ARHGAP23: variants seen among roughly 807,000 people sequenced by gnomAD.
The protein encoded by ARHGAP23 is Rho GTPase activating protein 23.
ARHGAP23 carries 34 observed loss-of-function variants against 136.3 expected under a neutral mutation model. That is an observed-to-expected ratio of 0.25 (90% confidence interval 0.19 to 0.33). ARHGAP23 has a LOEUF of 0.33. Ranked by LOEUF, ARHGAP23 falls within the 10% of genes least tolerant of loss-of-function variation. ARHGAP23 has a pLI of 1.00. For synonymous variants in ARHGAP23, 832 were observed against 920.5 expected, an observed-to-expected ratio of 0.90 and a Z score of 1.74; for missense variants, 1,808 against 2,139.0, an observed-to-expected ratio of 0.85 and a Z score of 3.05.
intron 11 of ARHGAP23, among the ~76,000 whole-genome samples, chr17:38,473,101 T>C (rs1270466922): frequency 7.5e-6 from 1 of 132,854 alleles, no homozygotes; most frequent in South Asian, 2.3e-4. Context: ...CAAACCCGGC[T>C]AATTTTTTTT....
intron 20 of ARHGAP23, among the ~76,000 whole-genome samples, chr17:38,491,943 C>T (rs1159484993): frequency 2.0e-5 from 3 of 152,128 alleles, no homozygotes; most frequent in African/African-American, 4.8e-5. Context: ...CAGGAGGCCC[C>T]GGCTCTAGTG....
chr17:38,434,753 C>T (rs2038758680), intron 1 of ARHGAP23, among the ~76,000 whole-genome samples: 1 of 152,248 alleles, frequency 6.6e-6, no homozygotes, highest in African/African-American at 2.4e-5. Flanking sequence ...CTCTGTGCTC[C>T]TGTATCAACA....
rs1393566497 is a variant in ARHGAP23, at chr17:38,491,548, G to A, written c.3276+16G>A. 6.5e-6 allele frequency: 10 copies of A among 1,549,134 alleles called. No homozygotes were observed. In the African/African-American group the frequency reaches 8.2e-5, roughly 13 times the overall value. On this transcript the variant is annotated intron_variant, in intron 20 of 23. Coordinates refer to ENST00000622683, the MANE Select transcript of ARHGAP23 (RefSeq NM_001199417.2). ...GATCCAGCACGTAAGCCCCTGTTCC[G>A]GGGGGCGCCCGGCAGCCCCTGGGGC...
At chr17:38,467,640 C>T (rs927955512) in intron 7 of ARHGAP23, among the ~76,000 whole-genome samples, 2 of 151,834 alleles carry the variant, frequency 1.3e-5, no homozygotes, top group Non-Finnish European at 2.9e-5. Flanking sequence ...TTCTTCCTTC[C>T]TTCTTTCCTT....
chr17:38,508,967 A>G lies in ARHGAP23; in HGVS notation c.3448-977A>G, dbSNP rs574660717. On this transcript the variant is annotated intron_variant, in intron 23 of 23. Coordinates refer to ENST00000622683, the MANE Select transcript of ARHGAP23 (RefSeq NM_001199417.2). ...TTGGGAATGGTATTTTCTAGGGAAC[A>G]CGAACAGAGAAGGCAAAGGGGCCAA... 8.3e-4 allele frequency among the ~76,000 whole-genome samples: 120 copies of G among 144,630 alleles called. No homozygotes were observed. The South Asian group carries it at 0.024, about 29-fold the overall frequency. 94.9% of individuals were successfully genotyped at this position (144,630 alleles called of 152,430 possible).
In ARHGAP23 at chr17:38,511,109, C is replaced by T. The variant is rs2040756240; in HGVS notation, c.*137C>T. The T allele has an allele frequency of 3.2e-6, 3 of 946,598 alleles. No individual in the cohort carries two copies. Among genetic ancestry groups the T allele is most frequent in the Admixed American group, 8.4e-5 (2 of 23,950 alleles). 58.6% of individuals were successfully genotyped at this position (946,598 alleles called of 1,614,324 possible). On this transcript the variant is annotated 3_prime_UTR_variant, in exon 24 of 24. Coordinates refer to ENST00000622683, the MANE Select transcript of ARHGAP23 (RefSeq NM_001199417.2). Reference sequence around the variant, plus strand: ...GTGGAGGGCGCAGCAGGCAGTGTCTCTAGTTGGTGTGCTGGAACTGGCAGG... The same window carrying T: ...GTGGAGGGCGCAGCAGGCAGTGTCTTTAGTTGGTGTGCTGGAACTGGCAGG...
At chr17:38,474,535 G>C (rs1309184737) in intron 11 of ARHGAP23, among the ~76,000 whole-genome samples, 1 of 152,160 alleles carries the variant, frequency 6.6e-6, no homozygotes, top group African/African-American at 2.4e-5. Flanking sequence ...GAACAGGTTT[G>C]GGGAGAGGAA....
chr17:38,461,124 C>G (rs2039450975), intron 3 of ARHGAP23, among the ~76,000 whole-genome samples, 192 bp downstream of exon 3: 1 of 152,232 alleles, frequency 6.6e-6, no homozygotes, highest in African/African-American at 2.4e-5. Flanking sequence ...CTCTGTCCTC[C>G]CCCTTTCTTT....
At chr17:38,438,245 TGGGA>T (rs891482889) in intron 1 of ARHGAP23, among the ~76,000 whole-genome samples, 1 of 139,240 alleles carries the variant, frequency 7.2e-6, no homozygotes, top group Non-Finnish European at 1.5e-5. Flanking sequence ...CACTTGAACC[TGGGA>T]GGTGGAAGTT....
intron 10 of ARHGAP23, among the ~76,000 whole-genome samples, chr17:38,471,093 C>T (rs1470357393): frequency 6.6e-6 from 1 of 151,596 alleles, no homozygotes; most frequent in Non-Finnish European, 1.5e-5. Flanking sequence ...GCTGGGATTA[C>T]AGGCATGCGC....
intron 21 of ARHGAP23, among the ~76,000 whole-genome samples, chr17:38,498,182 G>A (rs1349304054): frequency 1.3e-5 from 2 of 152,194 alleles, no homozygotes; most frequent in Non-Finnish European, 2.9e-5. Flanking sequence ...AGCTGAAGGG[G>A]CCGCTCTGGC....
intron 19 of ARHGAP23, among the ~76,000 whole-genome samples, 183 bp downstream of exon 19, chr17:38,490,734 G>A (rs2040259550): frequency 1.3e-5 from 2 of 152,164 alleles, no homozygotes; most frequent in Admixed American, 1.3e-4. Flanking sequence ...CCCCCAGAGA[G>A]CCATCTCCTG....
Position 38,442,099 on chromosome 17 carries a change from G to A in ARHGAP23, c.63+13551G>A, listed in dbSNP as rs182431619. ...GCCTCCCAAGTAGCTGGGACTACAG[G>A]CGTGCCCCACGGCACCTGGCTAATT... is the stretch of plus-strand genomic sequence containing the variant. On this transcript the variant is annotated intron_variant, in intron 1 of 23. Transcript: ENST00000622683. Among the ~76,000 whole-genome samples, 4 of 152,268 alleles carry A rather than the reference G, an allele frequency of 2.6e-5. No homozygotes were observed. The East Asian group carries it at 7.7e-4, about 29-fold the overall frequency.
At chr17:38,489,528 C>G (rs1393191584) in intron 17 of ARHGAP23, among the ~76,000 whole-genome samples, 9 of 152,136 alleles carry the variant, frequency 5.9e-5, no homozygotes, top group Non-Finnish European at 1.2e-4. Flanking sequence ...TGCCAGCCGG[C>G]TTCAGTTGTG....
At position 38,455,510 on chromosome 17, in the gene ARHGAP23, C is replaced by A. The variant is rs2039302266; in HGVS notation, c.64-2592C>A. 3.3e-5 allele frequency among the ~76,000 whole-genome samples: 5 copies of A among 152,214 alleles called. No homozygotes were observed. The South Asian group carries it at 1.0e-3, about 32-fold the overall frequency. Reference sequence around the variant, plus strand: ...AGGCCCTCCCAGGGAGCAGCCCCCCCAGGCAGCTGGCAGCTCCAGGCAGGA... The same window carrying A: ...AGGCCCTCCCAGGGAGCAGCCCCCCAAGGCAGCTGGCAGCTCCAGGCAGGA... On this transcript the variant is annotated intron_variant, in intron 1 of 23. Coordinates refer to ENST00000622683, the MANE Select transcript of ARHGAP23 (RefSeq NM_001199417.2).
intron 23 of ARHGAP23, among the ~76,000 whole-genome samples, chr17:38,506,541 C>G (rs2040637389): frequency 6.6e-6 from 1 of 152,214 alleles, no homozygotes; most frequent in East Asian, 1.9e-4. Context: ...AGTCCAAGAT[C>G]AAGGTGCCAG....
In ARHGAP23 at chr17:38,467,280, G is replaced by T; in HGVS notation, c.1597G>T (p.Val533Leu). ...GCGAGGGGAACGCCTGGGCAGGAAG[G>T]TGGCCCCTTTGGCCACCACCGAAGA... Reference protein sequence around the residue: ...SGRGERLGRKVAPLATTEDSL... With the variant: ...SGRGERLGRKLAPLATTEDSL... Residue 533 changes from valine (V) to leucine (L), a missense_variant, in exon 7 of 24, where the codon GTG (valine) becomes TTG (leucine). Physicochemically the swap from Val to Leu is conservative, Grantham distance 32. This residue lies in a region of ARHGAP23 where 859 missense variants were observed against 936.4 expected (regional missense o/e 0.92). Coordinates refer to ENST00000622683, the MANE Select transcript of ARHGAP23 (RefSeq NM_001199417.2). The T allele has an allele frequency of 6.5e-7, 1 of 1,536,358 alleles. No homozygotes were observed. The highest frequency in any genetic ancestry group is 8.8e-7 in the Non-Finnish European group (1 of 1,140,564).
At chr17:38,480,566 G>A (rs1366874829) in intron 14 of ARHGAP23, among the ~76,000 whole-genome samples, 3 of 151,870 alleles carry the variant, frequency 2.0e-5, no homozygotes, top group Admixed American at 6.6e-5. Context: ...CCTGGGAGGC[G>A]GAGCTTGCAT....
rs575866534 is a variant in ARHGAP23 at position 38,437,952 on chromosome 17, G to T, written c.63+9404G>T. 3.3e-5 allele frequency among the ~76,000 whole-genome samples: 5 copies of T among 152,280 alleles called. No individual in the cohort carries two copies. The South Asian group carries it at 8.3e-4, about 25-fold the overall frequency. On this transcript the variant is annotated intron_variant, in intron 1 of 23. Coordinates refer to ENST00000622683, the MANE Select transcript of ARHGAP23 (RefSeq NM_001199417.2). The stretch of plus-strand genomic sequence containing the variant: ...TGTCAATAAACATGGCTGAGCCCCT[G>T]CCTCCTCCAAAGATGGTCCAGCTCT...
Sources: allele counts gnomAD v4.1 joint callset (sites outside exome capture counted in the v4.1 genomes callset), GRCh38; gene constraint gnomAD v4.1.1; regional missense constraint gnomAD v4.1.1; transcripts MANE v1.5; gene names NCBI Gene and HGNC (gene_info 2026-07-23, HGNC 2026-07-21).